Variants in CAMKMT observed in about 807,000 individuals in gnomAD.
CAMKMT encodes CaM KMT.
CAMKMT carries 53 observed loss-of-function variants against 48.0 expected under a neutral mutation model. The ratio of observed to expected loss-of-function variants is 1.10; its 90% CI spans 0.89 to 1.39. The LOEUF (loss-of-function observed/expected upper bound fraction) is 1.39. Among genes scored for constraint, CAMKMT ranks in the 40% most tolerant of loss-of-function variants. The pLI is 0.00. For synonymous variants in CAMKMT, 165 were observed against 152.3 expected, an observed-to-expected ratio of 1.08 and a Z score of -0.61; for missense variants, 428 against 402.7, an observed-to-expected ratio of 1.06 and a Z score of -0.54.
At chr2:44,605,734 A>T (rs898574668) in intron 3 of CAMKMT, among the ~76,000 whole-genome samples, 2 of 152,154 alleles carry the variant, frequency 1.3e-5, no homozygotes, top group African/African-American at 4.8e-5. Context: ...CTTAGATTTC[A>T]GTTTCTTTGT....
intron 3 of CAMKMT, among the ~76,000 whole-genome samples, chr2:44,393,085 G>GT (rs1425944115): frequency 6.6e-6 from 1 of 152,106 alleles, no homozygotes; most frequent in Non-Finnish European, 1.5e-5. Flanking sequence ...AATTTCAATT[G>GT]TAAGTTCATT....
At chr2:44,662,086 A>G (rs1248879146) in intron 3 of CAMKMT, among the ~76,000 whole-genome samples, 1 of 152,200 alleles carries the variant, frequency 6.6e-6, no homozygotes, top group Admixed American at 6.5e-5. Context: ...ATCAGAGACT[A>G]ACAGATACTG....
intron 3 of CAMKMT, among the ~76,000 whole-genome samples, chr2:44,393,954 T>C (rs954466579): frequency 1.3e-5 from 2 of 152,214 alleles, no homozygotes; most frequent in South Asian, 4.1e-4. Context: ...TCTCAGTGCT[T>C]ACTTGATCCA....
chr2:44,579,913 G>C (rs1007048065), intron 3 of CAMKMT, among the ~76,000 whole-genome samples: 30 of 152,266 alleles, frequency 2.0e-4, no homozygotes, highest in Middle Eastern at 3.4e-3. Flanking sequence ...CTTTTGGAAA[G>C]CCTTTCATTT....
chr2:44,760,723 G>C (rs1469926160), intron 9 of CAMKMT, among the ~76,000 whole-genome samples: 1 of 152,082 alleles, frequency 6.6e-6, no homozygotes, highest in Non-Finnish European at 1.5e-5. Flanking sequence ...CAGTGGTGTG[G>C]TCAGGTGTAC....
chr2:44,455,868 G>C (rs1463723194), intron 3 of CAMKMT, among the ~76,000 whole-genome samples: 6 of 152,004 alleles, frequency 3.9e-5, no homozygotes, highest in Non-Finnish European at 8.8e-5. Context: ...CAAAAACGTT[G>C]GTCCTTAATT....
intron 8 of CAMKMT, among the ~76,000 whole-genome samples, chr2:44,746,413 A>G (rs530585129): frequency 5.9e-5 from 9 of 152,358 alleles, no homozygotes; most frequent in African/African-American, 1.9e-4. Context: ...AGATATTTAC[A>G]TTCAAACATT....
intron 9 of CAMKMT, among the ~76,000 whole-genome samples, chr2:44,761,988 T>C (rs1298981158): frequency 6.6e-6 from 1 of 151,980 alleles, no homozygotes; most frequent in Non-Finnish European, 1.5e-5. Flanking sequence ...GACTTGGGAG[T>C]TATTGGTCTA....
chr2:44,667,822 C>T (rs1675085927), intron 3 of CAMKMT, among the ~76,000 whole-genome samples: 1 of 152,196 alleles, frequency 6.6e-6, no homozygotes, highest in South Asian at 2.1e-4. Flanking sequence ...GACCTCCACT[C>T]CAACACCGTT....
chr2:44,416,360 G>A (rs1207052264), intron 3 of CAMKMT, among the ~76,000 whole-genome samples: 1 of 151,978 alleles, frequency 6.6e-6, no homozygotes, highest in East Asian at 1.9e-4. Context: ...AATGAGTTTT[G>A]AAAGTTTTAT....
intron 3 of CAMKMT, among the ~76,000 whole-genome samples, chr2:44,621,252 G>A (rs947979541): frequency 1.7e-5 from 2 of 115,976 alleles, no homozygotes; most frequent in Admixed American, 2.1e-4. Flanking sequence ...GGGCGACAGA[G>A]CGAGACTCCA....
intron 3 of CAMKMT, among the ~76,000 whole-genome samples, chr2:44,637,891 C>T (rs1673221449): frequency 6.6e-6 from 1 of 151,566 alleles, no homozygotes; most frequent in Non-Finnish European, 1.5e-5. Context: ...ATGGTGAAAC[C>T]CCATCTCCAC....
chr2:44,554,040 A>G (rs1347709710), intron 3 of CAMKMT, among the ~76,000 whole-genome samples: 1 of 152,206 alleles, frequency 6.6e-6, no homozygotes, highest in African/African-American at 2.4e-5. Flanking sequence ...GTGCCTATTT[A>G]TCTCTTTAAA....
In CAMKMT at chr2:44,608,819, A is replaced by G. The variant is rs1011117964; in HGVS notation, c.377-95464A>G. Among the ~76,000 whole-genome samples, 6 of 152,220 alleles carry G rather than the reference A, an allele frequency of 3.9e-5. No individual in the cohort carries two copies. The East Asian group carries it at 1.2e-3, about 29-fold the overall frequency. On this transcript the variant is annotated intron_variant, in intron 3 of 10. Coordinates refer to ENST00000378494, the MANE Select transcript of CAMKMT (RefSeq NM_024766.5). Reference sequence around the variant, plus strand: ...AAAACAGGGTCATTTGTCCTGTAAAATTCCCATATTCTGGATTTTGCTGAT... The same window carrying G: ...AAAACAGGGTCATTTGTCCTGTAAAGTTCCCATATTCTGGATTTTGCTGAT...
intron 7 of CAMKMT, among the ~76,000 whole-genome samples, chr2:44,736,430 G>T (rs1277707935): frequency 6.6e-6 from 1 of 151,986 alleles, no homozygotes; most frequent in East Asian, 1.9e-4. Flanking sequence ...TTTCCTCTGG[G>T]TGCTTTTCAG....
At chr2:44,467,586 T>TCAC (rs1668191201) in intron 3 of CAMKMT, among the ~76,000 whole-genome samples, 2 of 150,020 alleles carry the variant, frequency 1.3e-5, no homozygotes, top group East Asian at 2.0e-4. Context: ...AAACAAAAAC[T>TCAC]CACCACCACC....
intron 3 of CAMKMT, among the ~76,000 whole-genome samples, chr2:44,426,677 C>T (rs891040733): frequency 2.0e-5 from 3 of 152,094 alleles, no homozygotes; most frequent in Admixed American, 6.6e-5. Context: ...TTATAGATGA[C>T]ACAAACAAAT....
intron 9 of CAMKMT, among the ~76,000 whole-genome samples, chr2:44,763,341 T>C (rs1680696073): frequency 6.6e-6 from 1 of 152,242 alleles, no homozygotes; most frequent in South Asian, 2.1e-4. Flanking sequence ...CAGCTGACTC[T>C]GTAAAAGCTT....
rs115939913 is a variant in CAMKMT, at chr2:44,645,527, A to G, written c.377-58756A>G. 6.1e-3 allele frequency among the ~76,000 whole-genome samples: 935 copies of G among 152,284 alleles called. 8 individuals are homozygous for G. Among genetic ancestry groups the G allele is most frequent in the African/African-American group, 0.022 (897 of 41,570 alleles). ...AAGGTCCTTATTAAAATCAATTAGC[A>G]AAAAGAATCTAGACCGGGCACAATG... On this transcript the variant is annotated intron_variant, in intron 3 of 10. Coordinates refer to ENST00000378494, the MANE Select transcript of CAMKMT (RefSeq NM_024766.5).
Sources: gnomAD v4.1 joint callset for allele counts (sites outside exome capture counted in the v4.1 genomes callset) on GRCh38, gnomAD v4.1.1 for gene constraint, MANE v1.5 for transcripts, NCBI Gene and HGNC (gene_info 2026-07-23, HGNC 2026-07-21) for gene names.